KCNIP4: variants seen among roughly 807,000 people sequenced by gnomAD.
KCNIP4 encodes the protein Kv channel-interacting protein 4.
In KCNIP4, 12 loss-of-function variants were observed where a neutral mutation model predicts 34.0. That is an observed-to-expected ratio of 0.35 (90% confidence interval 0.23 to 0.57). KCNIP4 has a LOEUF of 0.57. KCNIP4 is among the 20% of genes least tolerant of loss of function. The pLI is 0.83. For synonymous variants in KCNIP4, 124 were observed against 102.2 expected, an observed-to-expected ratio of 1.21 and a Z score of -1.29; for missense variants, 238 against 311.7, an observed-to-expected ratio of 0.76 and a Z score of 1.78.
intron 1 of KCNIP4, among the ~76,000 whole-genome samples, chr4:21,251,098 G>A (rs888665324): frequency 5.3e-5 from 8 of 152,074 alleles, no homozygotes; most frequent in Admixed American, 3.3e-4. Context: ...AGTGGGGAAT[G>A]CGTTTAAACG....
intron 1 of KCNIP4, among the ~76,000 whole-genome samples, chr4:20,945,259 G>A (rs1000345744): frequency 1.3e-5 from 2 of 152,210 alleles, no homozygotes; most frequent in Non-Finnish European, 2.9e-5. Context: ...AGTTTGCAAA[G>A]TACTGGTTTG....
At chr4:21,464,742 C>T (rs1397321221) in intron 1 of KCNIP4, 1 of 152,056 alleles carries the variant, frequency 6.6e-6, no homozygotes, top group Non-Finnish European at 1.5e-5. Context: ...AGGACTTGAG[C>T]AACGCTATAC....
At chr4:21,906,971 C>T (rs560710217) in intron 1 of KCNIP4, among the ~76,000 whole-genome samples, 12 of 152,290 alleles carry the variant, frequency 7.9e-5, no homozygotes, top group East Asian at 3.9e-4. Flanking sequence ...ATACACGAAG[C>T]TTTAGTTTCT....
rs556846154 is a variant in KCNIP4, at chr4:21,947,066, C to A, written c.61+1505G>T. Among the ~76,000 whole-genome samples, 4 of 152,320 alleles carry A rather than the reference C, an allele frequency of 2.6e-5. No individual in the cohort carries two copies. The South Asian group carries it at 8.3e-4, about 32-fold the overall frequency. The stretch of plus-strand genomic sequence containing the variant: ...GCCATCCAGATCCTGAGACGACATT[C>A]CTGCCATCTGCTCCAGCCTTGAGTT... On this transcript the variant is annotated intron_variant, in intron 1 of 8. Coordinates refer to ENST00000382152, the MANE Select transcript of KCNIP4 (RefSeq NM_025221.6).
intron 1 of KCNIP4, among the ~76,000 whole-genome samples, chr4:21,249,768 T>C (rs142363542): frequency 1.2e-3 from 186 of 152,292 alleles, no homozygotes; most frequent in African/African-American, 4.2e-3. Flanking sequence ...CAAATCAGCA[T>C]GGTGCTCCAA....
At chr4:20,739,389 A>C (rs1236994134) in intron 5 of KCNIP4, among the ~76,000 whole-genome samples, 1 of 152,224 alleles carries the variant, frequency 6.6e-6, no homozygotes, top group Non-Finnish European at 1.5e-5. Context: ...AAGCTTCCAG[A>C]GGAAGGATCA....
At chr4:21,754,365 T>C (rs1717367085) in intron 1 of KCNIP4, among the ~76,000 whole-genome samples, 1 of 152,212 alleles carries the variant, frequency 6.6e-6, no homozygotes, top group South Asian at 2.1e-4. Flanking sequence ...GTGTTTTTCC[T>C]TGCTAGAATA....
At chr4:21,288,431 G>A (rs1344524455) in intron 1 of KCNIP4, among the ~76,000 whole-genome samples, 1 of 152,022 alleles carries the variant, frequency 6.6e-6, no homozygotes, top group Non-Finnish European at 1.5e-5. Context: ...GAGAGAAAAT[G>A]GACTAACCGC....
At chr4:21,548,061 T>C (rs1738280385) in intron 1 of KCNIP4, among the ~76,000 whole-genome samples, 1 of 152,188 alleles carries the variant, frequency 6.6e-6, no homozygotes, top group East Asian at 1.9e-4. Context: ...TATTCACACA[T>C]AAGTACTTAA....
intron 1 of KCNIP4, among the ~76,000 whole-genome samples, chr4:21,676,857 T>G (rs1749946687): frequency 6.6e-6 from 1 of 152,058 alleles, no homozygotes; most frequent in South Asian, 2.1e-4. Flanking sequence ...CAGATAAAAT[T>G]ACATAATTAA....
At chr4:21,235,079 C>T (rs776023073) in intron 1 of KCNIP4, among the ~76,000 whole-genome samples, 1 of 152,050 alleles carries the variant, frequency 6.6e-6, no homozygotes, top group Non-Finnish European at 1.5e-5. Flanking sequence ...TAAAAGTAGT[C>T]AATATAATGA....
chr4:20,753,779 G>A (rs1754041240), intron 4 of KCNIP4, among the ~76,000 whole-genome samples: 1 of 152,140 alleles, frequency 6.6e-6, no homozygotes, highest in African/African-American at 2.4e-5. Flanking sequence ...GATACTCAGT[G>A]GGTGAAGTCT....
chr4:21,893,934 G>A lies in KCNIP4; in HGVS notation c.61+54637C>T, dbSNP rs543466381. On this transcript the variant is annotated intron_variant, in intron 1 of 8. Transcript: ENST00000382152. ...GCTTTAGGATCCTAATTAGCATTAT[G>A]CATAACCTTGAAAATAATCTAGTCC... is the stretch of plus-strand genomic sequence containing the variant. 3.0e-3 allele frequency among the ~76,000 whole-genome samples: 453 copies of A among 152,186 alleles called. 2 individuals carry two copies. Among genetic ancestry groups the A allele is most frequent in the African/African-American group, 1.0e-2 (415 of 41,510 alleles).
Position 21,740,621 on chromosome 4 carries a change from A to T in KCNIP4, c.61+207950T>A, listed in dbSNP as rs547835363. Among the ~76,000 whole-genome samples the T allele has an allele frequency of 1.3e-4, 20 of 152,286 alleles. No homozygotes were observed. In the South Asian group the frequency reaches 4.1e-3, roughly 32 times the overall value. ...TCTGACAGACTTACATTCAAATCATAATAACATCACTTATTTCACTTATTT... is the reference window on the plus strand; with the variant it reads ...TCTGACAGACTTACATTCAAATCATTATAACATCACTTATTTCACTTATTT... On this transcript the variant is annotated intron_variant, in intron 1 of 8. Coordinates refer to ENST00000382152, the MANE Select transcript of KCNIP4 (RefSeq NM_025221.6).
chr4:21,844,636 A>C (rs1723895079), intron 1 of KCNIP4: 1 of 152,062 alleles, frequency 6.6e-6, no homozygotes, highest in African/African-American at 2.4e-5. Flanking sequence ...GATGAGGTGA[A>C]TGAAGTCCAA....
chr4:20,888,118 G>A (rs578046769), intron 1 of KCNIP4, among the ~76,000 whole-genome samples: 45 of 151,698 alleles, frequency 3.0e-4, no homozygotes, highest in Admixed American at 2.8e-3. Flanking sequence ...TCCAATAGAG[G>A]AATTAAAATG....
At chr4:20,919,365 A>G (rs1048625378) in intron 1 of KCNIP4, among the ~76,000 whole-genome samples, 4 of 151,648 alleles carry the variant, frequency 2.6e-5, no homozygotes, top group African/African-American at 9.7e-5. Context: ...GTTTGTTAGT[A>G]GAAGAGTCCT....
intron 1 of KCNIP4, among the ~76,000 whole-genome samples, chr4:21,127,024 C>A (rs965528703): frequency 2.0e-5 from 3 of 152,274 alleles, no homozygotes; most frequent in South Asian, 4.1e-4. Flanking sequence ...TCTGTTCCTG[C>A]AACTGGCCAA....
intron 3 of KCNIP4, among the ~76,000 whole-genome samples, chr4:20,759,230 A>G (rs141346106): frequency 5.3e-5 from 8 of 152,118 alleles, no homozygotes; most frequent in African/African-American, 1.9e-4. Flanking sequence ...CAAGATGTTT[A>G]TAATATAGTC....
Sources: allele counts gnomAD v4.1 joint callset (sites outside exome capture counted in the v4.1 genomes callset), GRCh38; gene constraint gnomAD v4.1.1; transcripts MANE v1.5; gene names NCBI Gene and HGNC (gene_info 2026-07-23, HGNC 2026-07-21).